Variants in KIFAP3 observed in about 807,000 individuals in gnomAD.
The protein encoded by KIFAP3 is kinesin associated protein 3, also known as kinesin-associated protein 3.
KIFAP3 carries 68 observed loss-of-function variants against 106.5 expected under a neutral mutation model. The ratio of observed to expected loss-of-function variants is 0.64; its 90% CI spans 0.53 to 0.78. The LOEUF (loss-of-function observed/expected upper bound fraction) is 0.78, where lower values mean the gene tolerates loss of function less well. Ranked by LOEUF, KIFAP3 falls within the 30% of genes least tolerant of loss-of-function variation. KIFAP3 has a pLI of 0.00. For synonymous variants in KIFAP3, 320 were observed against 311.5 expected (o/e 1.03, Z -0.29); for missense variants, 780 against 941.8 (o/e 0.83, Z 2.25).
At chr1:170,029,255 G>A (rs1033035338) in intron 8 of KIFAP3, among the ~76,000 whole-genome samples, 4 of 152,060 alleles carry the variant, frequency 2.6e-5, no homozygotes, top group Non-Finnish European at 5.9e-5. Context: ...AAAACTGATA[G>A]ATGTGCAGGA....
intron 10 of KIFAP3, among the ~76,000 whole-genome samples, chr1:169,993,106 CTTT>C (rs202163966): frequency 1.5e-5 from 2 of 130,706 alleles, no homozygotes; most frequent in Non-Finnish European, 3.3e-5. Context: ...CTTTTCTGTC[CTTT>C]TTTTTTTTTT....
intron 16 of KIFAP3, among the ~76,000 whole-genome samples, chr1:169,976,057 A>C (rs1415603545): frequency 1.3e-5 from 2 of 152,178 alleles, no homozygotes; most frequent in Non-Finnish European, 2.9e-5. Context: ...GTGGGCTTTG[A>C]TAATAAGGTA....
chr1:169,998,013 CAT>C (rs1299499513), intron 10 of KIFAP3, among the ~76,000 whole-genome samples: 1 of 150,792 alleles, frequency 6.6e-6, no homozygotes, highest in Non-Finnish European at 1.5e-5. Context: ...CTCTCACTCT[CAT>C]AGAGTTATAA....
chr1:170,029,202 T>G (rs1669272140), intron 8 of KIFAP3, among the ~76,000 whole-genome samples: 1 of 152,146 alleles, frequency 6.6e-6, no homozygotes, highest in Non-Finnish European at 1.5e-5. Flanking sequence ...ATCCTATATC[T>G]TTATGTCCCC....
At chr1:170,004,200 TAA>T (rs1268622654) in intron 10 of KIFAP3, among the ~76,000 whole-genome samples, 10 of 150,616 alleles carry the variant, frequency 6.6e-5, no homozygotes, top group South Asian at 4.2e-4. Context: ...CTCAGTGAAA[TAA>T]AAGAGGATAC....
At chr1:170,057,387 G>A (rs1181484620) in intron 1 of KIFAP3, among the ~76,000 whole-genome samples, 1 of 151,878 alleles carries the variant, frequency 6.6e-6, no homozygotes, top group Non-Finnish European at 1.5e-5. Context: ...TTTTTGCTGT[G>A]TATGTGTGTT....
rs1667636990 is a variant in KIFAP3 at position 170,001,004 on chromosome 1, A to AC, written c.1184-8750_1184-8749insG. Reference sequence around the variant, plus strand: ...TTGCAGATCTACCAGTAAGCTAAACATTGTTTTTAGAGATAGTCACTAAAT... The same window carrying AC: ...TTGCAGATCTACCAGTAAGCTAAACACTTGTTTTTAGAGATAGTCACTAAAT... On this transcript the variant is annotated intron_variant, in intron 10 of 19. Coordinates refer to ENST00000361580, the MANE Select transcript of KIFAP3 (RefSeq NM_014970.4). Among the ~76,000 whole-genome samples, 5 of 17,920 alleles carry AC rather than the reference A, an allele frequency of 2.8e-4. No homozygotes were observed. The African/African-American group carries it at 3.1e-3, about 11-fold the overall frequency. The allele number at this position is 17,920 out of a possible 152,430, so 11.8% of individuals were successfully genotyped here.
intron 10 of KIFAP3, among the ~76,000 whole-genome samples, chr1:170,000,917 G>A (rs1159511472): frequency 6.6e-6 from 1 of 152,062 alleles, no homozygotes; most frequent in Non-Finnish European, 1.5e-5. Context: ...AGGTACAGTG[G>A]TTCACGGATA....
chr1:170,058,593 A>T (rs1557870821), intron 1 of KIFAP3, among the ~76,000 whole-genome samples: 1 of 152,196 alleles, frequency 6.6e-6, no homozygotes, highest in Non-Finnish European at 1.5e-5. Context: ...CTACTAGACA[A>T]GACACTAGCA....
intron 8 of KIFAP3, among the ~76,000 whole-genome samples, chr1:170,027,457 T>C (rs766552230): frequency 4.0e-5 from 6 of 150,320 alleles, no homozygotes; most frequent in Admixed American, 2.0e-4. Context: ...CATTATGTCA[T>C]ATAACTGTAT....
At chr1:170,004,205 G>A (rs1667819959) in intron 10 of KIFAP3, among the ~76,000 whole-genome samples, 3 of 151,262 alleles carry the variant, frequency 2.0e-5, no homozygotes. Context: ...TGAAATAAAA[G>A]AGGATACAAA....
At chr1:169,989,736 T>C (rs1034662358) in intron 11 of KIFAP3, among the ~76,000 whole-genome samples, 1 of 152,036 alleles carries the variant, frequency 6.6e-6, no homozygotes, top group African/African-American at 2.4e-5. Context: ...TCCCCTGATA[T>C]AAAAGTCTAA....
chr1:170,076,378 G>A (rs76047615), upstream of KIFAP3, among the ~76,000 whole-genome samples: 1,092 of 152,288 alleles, frequency 7.2e-3, 18 homozygotes, highest in African/African-American at 0.024. Context: ...AACATTTTAT[G>A]CTTGACAGTA....
chr1:169,954,536 T>C (rs1664905634), intron 18 of KIFAP3, among the ~76,000 whole-genome samples: 1 of 152,204 alleles, frequency 6.6e-6, no homozygotes, highest in African/African-American at 2.4e-5. Flanking sequence ...TAATACTTTA[T>C]TGTATTTCAC....
chr1:169,995,354 A>G (rs996054274), intron 10 of KIFAP3, among the ~76,000 whole-genome samples: 1 of 152,114 alleles, frequency 6.6e-6, no homozygotes, highest in Non-Finnish European at 1.5e-5. Context: ...AGATATTTGA[A>G]AATCTTTTCA....
chr1:169,953,942 T>C (rs1664872278), intron 19 of KIFAP3, 69 bp downstream of exon 19: 2 of 990,768 alleles, frequency 2.0e-6, no homozygotes, highest in South Asian at 2.6e-5. Context: ...AAATGGAGAG[T>C]GAAGAGGATT....
chr1:170,020,090 C>G (rs933609283), intron 9 of KIFAP3, among the ~76,000 whole-genome samples: 4 of 152,072 alleles, frequency 2.6e-5, no homozygotes, highest in African/African-American at 9.7e-5. Flanking sequence ...TGGTAAAATA[C>G]TTAGGTATAA....
intron 3 of KIFAP3, among the ~76,000 whole-genome samples, chr1:170,039,971 A>T (rs1669889164): frequency 6.6e-6 from 1 of 152,112 alleles, no homozygotes; most frequent in Admixed American, 6.5e-5. Context: ...TACTTTATGG[A>T]TCTGGATCAT....
At chr1:170,075,010 A>G (rs779289368), upstream of KIFAP3, among the ~76,000 whole-genome samples, 1 of 152,230 alleles carries the variant, frequency 6.6e-6, no homozygotes, top group Non-Finnish European at 1.5e-5. Context: ...TTGCACTTAC[A>G]AGCTCTAACT....
Sources: allele counts gnomAD v4.1 joint callset (sites outside exome capture counted in the v4.1 genomes callset), GRCh38; gene constraint gnomAD v4.1.1; transcripts MANE v1.5; gene names NCBI Gene and HGNC (gene_info 2026-07-23, HGNC 2026-07-21).